The following SMC1A variants were observed in gnomAD, a reference collection of about 807,000 sequenced individuals.
The protein encoded by SMC1A is structural maintenance of chromosomes 1A, also known as structural maintenance of chromosomes protein 1A.
A neutral mutation model predicts 94.5 loss-of-function variants in SMC1A; 4 were observed. That is an observed-to-expected ratio of 0.04 (90% CI 0.02 to 0.10). SMC1A has a LOEUF of 0.10. SMC1A is among the 10% of genes least tolerant of loss of function. SMC1A has a pLI of 1.00. For missense variants in SMC1A, 304 were observed against 989.0 expected (o/e 0.31, Z 9.29); for synonymous variants, 345 against 347.7 (o/e 0.99, Z 0.09).
chrX:53,390,486 TC>T (rs1421474116), intron 19 of SMC1A, among the ~76,000 whole-genome samples: 1 of 104,706 alleles, frequency 9.6e-6, no homozygotes, highest in African/African-American at 3.5e-5. Context: ...AGACTCTATC[TC>T]AAAAAAAAAA....
At chrX:53,382,874 A>G (rs2075590492) in intron 20 of SMC1A, among the ~76,000 whole-genome samples, 1 of 111,345 alleles carries the variant, frequency 9.0e-6, no homozygotes, top group African/African-American at 3.3e-5. Context: ...GTGTTCTACC[A>G]GCAACCAGCT....
chrX:53,414,075 C>CA (rs782233737), intron 3 of SMC1A, among the ~76,000 whole-genome samples: 11 of 47,858 alleles, frequency 2.3e-4, no homozygotes, highest in East Asian at 6.3e-4. Context: ...AACTCCGTCT[C>CA]AAAAAAAAAA....
chrX:53,403,478 C>G, intron 15 of SMC1A, 88 bp downstream of exon 15: 17 of 718,300 alleles, frequency 2.4e-5, no homozygotes, highest in Non-Finnish European at 3.7e-5. Context: ...AGAGCTGACC[C>G]TTGCCTATGA....
At chrX:53,420,927 T>G in intron 1 of SMC1A, among the ~76,000 whole-genome samples, 1 of 111,845 alleles carries the variant, frequency 8.9e-6, no homozygotes, top group Non-Finnish European at 1.9e-5. Context: ...AACATTAACG[T>G]GTACCAAGTG....
At chrX:53,418,845 C>G (rs1436553739) in intron 1 of SMC1A, among the ~76,000 whole-genome samples, 2 of 111,088 alleles carry the variant, frequency 1.8e-5, no homozygotes, top group Non-Finnish European at 3.8e-5. Flanking sequence ...GAGTTTGAGA[C>G]CAGCCTGGCC....
intron 9 of SMC1A, 108 bp from the exon 10 acceptor site, chrX:53,406,064 A>T: frequency 2.8e-6 from 2 of 725,908 alleles, no homozygotes; most frequent in Non-Finnish European, 4.3e-6. Flanking sequence ...TATATCAGGA[A>T]GTGAATGCAA....
chrX:53,410,656 C>T (rs932928788), intron 7 of SMC1A, among the ~76,000 whole-genome samples: 32 of 107,426 alleles, frequency 3.0e-4, no homozygotes, highest in African/African-American at 1.1e-3. Flanking sequence ...AAAAATTAGC[C>T]GGGAATGGTG....
intron 19 of SMC1A, among the ~76,000 whole-genome samples, chrX:53,388,976 G>A (rs1294112678): frequency 1.2e-5 from 1 of 84,684 alleles, no homozygotes; most frequent in Non-Finnish European, 2.2e-5. Flanking sequence ...CAGCCTGGGC[G>A]ACAGAGCAAG....
chrX:53,390,970 T>A (rs1232500531), intron 19 of SMC1A, among the ~76,000 whole-genome samples: 1 of 34,008 alleles, frequency 2.9e-5, no homozygotes, highest in Non-Finnish European at 4.7e-5. Flanking sequence ...CCAGACTCCG[T>A]CTCAAAAAAA....
chrX:53,412,376 T>G, intron 5 of SMC1A, 123 bp from the exon 6 acceptor site: 1 of 676,315 alleles, frequency 1.5e-6, no homozygotes, highest in Non-Finnish European at 2.3e-6. Flanking sequence ...TAAAAGAACA[T>G]GGGCGTAATG....
At chrX:53,387,857 T>C (rs2075611274) in intron 19 of SMC1A, among the ~76,000 whole-genome samples, 1 of 111,227 alleles carries the variant, frequency 9.0e-6, no homozygotes, top group African/African-American at 3.3e-5. Flanking sequence ...ATATTTAAAT[T>C]CATAATGATA....
At chrX:53,417,173 C>G (rs1307477007) in intron 1 of SMC1A, among the ~76,000 whole-genome samples, 3 of 111,987 alleles carry the variant, frequency 2.7e-5, no homozygotes, top group African/African-American at 9.7e-5. Context: ...GTAAGGTTTT[C>G]ATGAGGAAAT....
chrX:53,416,786 C>T (rs782324959), intron 1 of SMC1A, among the ~76,000 whole-genome samples: 11 of 111,067 alleles, frequency 9.9e-5, no homozygotes, highest in South Asian at 3.8e-4. Context: ...TTTAACACTA[C>T]TGAACTGCAC....
intron 5 of SMC1A, 47 bp downstream of exon 5, chrX:53,412,853 C>T (rs372446541): frequency 9.9e-5 from 120 of 1,208,602 alleles, no homozygotes; most frequent in Middle Eastern, 2.5e-4. Context: ...ATAAACAGCA[C>T]GGCCTCTTGG....
chrX:53,382,330 G>A lies in SMC1A; in HGVS notation c.3339C>T (p.Tyr1113=). 1 of 1,211,054 alleles carries A rather than the reference G, an allele frequency of 8.3e-7. No individual in the cohort carries two copies. The highest frequency in any genetic ancestry group is 1.1e-6 in the Non-Finnish European group (1 of 895,052). The change falls in exon 22 of 25, where the codon TAC becomes TAT. Residue 1113 remains tyrosine (Y), a synonymous_variant. Transcript: ENST00000322213. ...PEEPYLDGIN[Y]NCVAPGKRFR... is the part of the protein sequence containing the mutation. ...AGCGTTTCCCAGGAGCCACACAGTT[G>A]TAGTTGATGCCATCCAAGTAGGGCT...
chrX:53,422,178 A>G (rs937847950), intron 1 of SMC1A: 12 of 678,302 alleles, frequency 1.8e-5, no homozygotes, highest in African/African-American at 2.2e-5. Context: ...CGGAGGACTG[A>G]GCTGGCGGGA....
chrX:53,396,640 G>A (rs375692451), intron 16 of SMC1A, 23 bp from the exon 17 acceptor site: 13 of 1,197,366 alleles, frequency 1.1e-5, no homozygotes, highest in African/African-American at 5.3e-5. Context: ...GTGGGAACAG[G>A]ACAATAGGTG....
Position 53,410,926 on chromosome X carries a change from C to CAAAAAAAAAAAA in SMC1A, c.1254+823_1254+834dup, listed in dbSNP as rs56669032. ...TGGGCAACAGAGTGAGGCTTTGTCT[C>CAAAAAAAAAAAA]AAAAAAAAAAAAAAAAAAAGTAGCC... On this transcript the variant is annotated intron_variant, in intron 7 of 24. Transcript: ENST00000322213. 7.6e-4 allele frequency among the ~76,000 whole-genome samples: 22 copies of CAAAAAAAAAAAA among 28,814 alleles called. 7 individuals are homozygous for CAAAAAAAAAAAA. The highest frequency in any genetic ancestry group is 3.7e-3 in the African/African-American group (20 of 5,356). The allele number at this position is 28,814 out of a possible 115,157, so 25.0% of individuals were successfully genotyped here.
intron 7 of SMC1A, among the ~76,000 whole-genome samples, chrX:53,411,542 A>G (rs901020177): frequency 1.8e-5 from 2 of 111,325 alleles, no homozygotes; most frequent in African/African-American, 6.5e-5. Context: ...GTGAGCTGAG[A>G]TCACATCACT....
Sources: allele counts gnomAD v4.1 joint callset (sites outside exome capture counted in the v4.1 genomes callset), GRCh38; gene constraint gnomAD v4.1.1; transcripts MANE v1.5; gene names NCBI Gene and HGNC (gene_info 2026-07-23, HGNC 2026-07-21).